The following UGT2B17 variants were observed in gnomAD, a reference collection of about 807,000 sequenced individuals.
UGT2B17 encodes UDP glucuronosyltransferase family 2 member B17, also known as UDP-glucuronosyltransferase 2B17.
A neutral mutation model predicts 48.2 loss-of-function variants in UGT2B17; 21 were observed. The observed-to-expected ratio is 0.44, with a 90% CI of 0.31 to 0.63. UGT2B17 has a LOEUF of 0.63. UGT2B17 is among the 20% of genes least tolerant of loss of function. The pLI, the probability that UGT2B17 is intolerant of heterozygous loss-of-function variation, is 0.08. For missense variants in UGT2B17, 402 were observed against 696.1 expected (o/e 0.58, Z 4.75); for synonymous variants, 146 against 238.4 (o/e 0.61, Z 3.57).
At chr4:68,563,419 G>A (rs1440984556) in intron 3 of UGT2B17, among the ~76,000 whole-genome samples, 1 of 126,364 alleles carries the variant, frequency 7.9e-6, no homozygotes, top group Non-Finnish European at 1.7e-5. Context: ...AGACCAGCCT[G>A]GCCAACATGG....
At chr4:68,543,247 G>A (rs1730717748) in intron 6 of UGT2B17, among the ~76,000 whole-genome samples, 1 of 125,254 alleles carries the variant, frequency 8.0e-6, no homozygotes, top group African/African-American at 2.7e-5. Flanking sequence ...ACTTCCAGAG[G>A]AACAATCAGA....
In UGT2B17 at chr4:68,565,483, T is replaced by C. The variant is rs1299875061; in HGVS notation, c.873+89A>G. On this transcript the variant is annotated intron_variant, in intron 3 of 6. Coordinates refer to ENST00000317746, the MANE Select transcript of UGT2B17 (RefSeq NM_001077.4). Reference sequence around the variant, plus strand: ...TTTTTTTTGACCTCCCATATTCCCCTCACTCTGAGTTAAACACTCTGAAAG... The same window carrying C: ...TTTTTTTTGACCTCCCATATTCCCCCCACTCTGAGTTAAACACTCTGAAAG... 8 of 1,094,774 alleles carry C rather than the reference T, an allele frequency of 7.3e-6. 2 individuals carry two copies. Among genetic ancestry groups the C allele is most frequent in the Non-Finnish European group, 9.5e-6 (8 of 844,376 alleles). 67.8% of individuals were successfully genotyped at this position (1,094,774 alleles called of 1,614,324 possible). A position where few individuals can be genotyped will look rare whatever the true frequency, so the allele number is the denominator to read the frequency against.
In UGT2B17 at chr4:68,546,771, A is replaced by T. The variant is rs1315497168; in HGVS notation, c.1313+3906T>A. 1.6e-5 allele frequency among the ~76,000 whole-genome samples: 2 copies of T among 125,070 alleles called. 1 individual carries two copies. The highest frequency in any genetic ancestry group is 3.4e-5 in the Non-Finnish European group (2 of 59,212). 82.1% of individuals were successfully genotyped at this position (125,070 alleles called of 152,430 possible). A position where few individuals can be genotyped will look rare whatever the true frequency, so the allele number is the denominator to read the frequency against. ...ATGTGCAAAAATCACAAGCATTCTT[A>T]TACACCCATAACAGACAAACAGAGA... On this transcript the variant is annotated intron_variant, in intron 6 of 6. Transcript: ENST00000317746.
Position 68,568,599 on chromosome 4 carries a change from C to G in UGT2B17, c.-64-51G>C. 1.7e-6 allele frequency: 2 copies of G among 1,145,882 alleles called. 1 individual carries two copies. The highest frequency in any genetic ancestry group is 5.6e-5 in the South Asian group (2 of 35,964). 71.0% of individuals were successfully genotyped at this position (1,145,882 alleles called of 1,614,324 possible). ...ATATAACTGCTAAAATTTGAGTTGA[C>G]CTCATATTTATTTTAGTGTGTTTGG... is the stretch of plus-strand genomic sequence containing the variant. On this transcript the variant is annotated intron_variant, in intron 1 of 6. Coordinates refer to ENST00000317746, the MANE Select transcript of UGT2B17 (RefSeq NM_001077.4).
chr4:68,558,195 C>G lies in UGT2B17; in HGVS notation c.1005+2342G>C, dbSNP rs565073992. 7.3e-5 allele frequency among the ~76,000 whole-genome samples: 9 copies of G among 123,488 alleles called. 2 individuals are homozygous for G. The highest frequency in any genetic ancestry group is 1.5e-4 in the Non-Finnish European group (9 of 58,358). The allele number at this position is 123,488 out of a possible 152,430, so 81.0% of individuals were successfully genotyped here. ...GTTTGTCTTTAGTAAAATTGGGAAA[C>G]TGAAGACAGAAAAATTATGTTTCAA... On this transcript the variant is annotated intron_variant, in intron 4 of 6. Coordinates refer to ENST00000317746, the MANE Select transcript of UGT2B17 (RefSeq NM_001077.4).
Position 68,560,535 on chromosome 4 carries a change from AC to A in UGT2B17, c.1005+1del. The A allele has an allele frequency of 4.7e-6, 6 of 1,290,208 alleles. No individual in the cohort carries two copies. In the South Asian group the frequency reaches 9.2e-5, roughly 20 times the overall value. 79.9% of individuals were successfully genotyped at this position (1,290,208 alleles called of 1,614,324 possible). On this transcript the variant is annotated splice_donor_variant, in intron 4 of 6. Coordinates refer to ENST00000317746, the MANE Select transcript of UGT2B17 (RefSeq NM_001077.4). LOFTEE classifies it high-confidence loss of function. ...ATCCACAGTTAAGGCACTTTATCTAACCTTTTGTGGGATCTGGGCAAGGGCT... is the reference window on the plus strand; with the variant it reads ...ATCCACAGTTAAGGCACTTTATCTAACTTTTGTGGGATCTGGGCAAGGGCT...
chr4:68,541,017 T>G lies in UGT2B17; in HGVS notation c.1314-3113A>C, dbSNP rs1431865047. On this transcript the variant is annotated intron_variant, in intron 6 of 6. Coordinates refer to ENST00000317746, the MANE Select transcript of UGT2B17 (RefSeq NM_001077.4). ...ACATAGTATGCCGCCATACTGTACA[T>G]GCATCATATTTTCTTTATCCAGTCT... is the stretch of plus-strand genomic sequence containing the variant. Among the ~76,000 whole-genome samples the G allele has an allele frequency of 7.9e-5, 10 of 126,128 alleles. 3 individuals are homozygous for G. Among genetic ancestry groups the G allele is most frequent in the Non-Finnish European group, 1.3e-4 (8 of 59,638 alleles). 82.7% of individuals were successfully genotyped at this position (126,128 alleles called of 152,430 possible).
At chr4:68,562,504 G>A (rs12510040) in intron 3 of UGT2B17, among the ~76,000 whole-genome samples, 31,631 of 124,552 alleles carry the variant, frequency 0.25, 10,277 homozygotes, top group Admixed American at 0.39. Flanking sequence ...GTTGCCTGTA[G>A]CCACATTTAA....
At chr4:68,550,452 T>C (rs1343844870) in intron 6 of UGT2B17, among the ~76,000 whole-genome samples, 1 of 125,760 alleles carries the variant, frequency 8.0e-6, no homozygotes, top group Non-Finnish European at 1.7e-5. Flanking sequence ...ATCTTTAATT[T>C]TTTTGATTTT....
At chr4:68,552,541 G>C (rs1482810280) in intron 4 of UGT2B17, among the ~76,000 whole-genome samples, 1 of 126,018 alleles carries the variant, frequency 7.9e-6, no homozygotes, top group Non-Finnish European at 1.7e-5. Context: ...ACCCCCTGAG[G>C]CTGTGTCATG....
At chr4:68,553,381 C>A (rs1730948918) in intron 4 of UGT2B17, among the ~76,000 whole-genome samples, 1 of 126,828 alleles carries the variant, frequency 7.9e-6, no homozygotes, top group Non-Finnish European at 1.7e-5. Context: ...CTCCTTTTGT[C>A]TTTTGCCATT....
chr4:68,575,571 C>G (rs1321333517), intron 1 of UGT2B17, among the ~76,000 whole-genome samples: 1 of 125,408 alleles, frequency 8.0e-6, no homozygotes, highest in Admixed American at 8.2e-5. Context: ...AGACAAAACA[C>G]CATGCTCACA....
intron 4 of UGT2B17, among the ~76,000 whole-genome samples, chr4:68,554,130 G>A (rs949420113): frequency 7.9e-6 from 1 of 125,916 alleles, no homozygotes; most frequent in Non-Finnish European, 1.7e-5. Flanking sequence ...ACACGTAAGA[G>A]GGTGGAAACA....
At position 68,571,626 on chromosome 4, in the gene UGT2B17, C is replaced by T. The variant is rs183436892; in HGVS notation, c.-64-3078G>A. Among the ~76,000 whole-genome samples the T allele has an allele frequency of 4.4e-3, 553 of 125,756 alleles. 110 individuals carry two copies. The highest frequency in any genetic ancestry group is 0.014 in the African/African-American group (509 of 36,628). The allele number at this position is 125,756 out of a possible 152,430, so 82.5% of individuals were successfully genotyped here. ...TGTCTAATAATTGAGACTTTTAGAA[C>T]CTAGAGATGATCAGGGTGATTCTTT... is the stretch of plus-strand genomic sequence containing the variant. On this transcript the variant is annotated intron_variant, in intron 1 of 6. Transcript: ENST00000317746.
rs1386145641 is a variant in UGT2B17 at position 68,564,522 on chromosome 4, C to A, written c.873+1050G>T. 1.6e-5 allele frequency among the ~76,000 whole-genome samples: 2 copies of A among 122,664 alleles called. 1 individual carries two copies. Among genetic ancestry groups the A allele is most frequent in the Non-Finnish European group, 3.4e-5 (2 of 58,670 alleles). The allele number at this position is 122,664 out of a possible 152,430, so 80.5% of individuals were successfully genotyped here. The stretch of plus-strand genomic sequence containing the variant: ...CAGTCTGGTCTCAAACTCCTGACCT[C>A]AGGCGATCCGCCTGCCTCGGCCTCC... On this transcript the variant is annotated intron_variant, in intron 3 of 6. Coordinates refer to ENST00000317746, the MANE Select transcript of UGT2B17 (RefSeq NM_001077.4).
At chr4:68,542,333 G>T (rs11723145) in intron 6 of UGT2B17, among the ~76,000 whole-genome samples, 60,531 of 124,644 alleles carry the variant, frequency 0.49, 23,668 homozygotes, top group Middle Eastern at 0.76. Context: ...TTTGCTTAGG[G>T]TTGTCTTGGC....
At chr4:68,558,194 AC>A (rs945335602) in intron 4 of UGT2B17, among the ~76,000 whole-genome samples, 1 of 123,784 alleles carries the variant, frequency 8.1e-6, no homozygotes, top group Admixed American at 8.4e-5. Context: ...AAATTGGGAA[AC>A]TGAAGACAGA....
At chr4:68,543,177 G>T (rs13119291) in intron 6 of UGT2B17, among the ~76,000 whole-genome samples, 40,976 of 124,508 alleles carry the variant, frequency 0.33, 13,261 homozygotes, top group Admixed American at 0.42. Flanking sequence ...GCCTGACTGG[G>T]AGGCACCCCC....
chr4:68,537,514 GA>G lies in UGT2B17; in HGVS notation c.*110del. 9.9e-7 allele frequency: 1 copy of G among 1,013,034 alleles called. No individual in the cohort carries two copies. The highest frequency in any genetic ancestry group is 1.3e-6 in the Non-Finnish European group (1 of 782,536). 62.8% of individuals were successfully genotyped at this position (1,013,034 alleles called of 1,614,324 possible). ...ATTTTGACTTAACAGGGTAAGTTGT[GA>G]AAAGACGTTTTGTCGCAGGAAAAAG... is the stretch of plus-strand genomic sequence containing the variant. On this transcript the variant is annotated 3_prime_UTR_variant, in exon 7 of 7. Transcript: ENST00000317746.
Sources: gnomAD v4.1 joint callset for allele counts (sites outside exome capture counted in the v4.1 genomes callset) on GRCh38, gnomAD v4.1.1 for gene constraint, MANE v1.5 for transcripts, NCBI Gene and HGNC (gene_info 2026-07-23, HGNC 2026-07-21) for gene names.